Variants in CXADR observed in about 807,000 individuals in gnomAD.
The protein encoded by CXADR is CXADR cell adhesion molecule, also known as coxsackievirus and adenovirus receptor.
In CXADR, 20 loss-of-function variants were observed where a neutral mutation model predicts 40.3. The ratio of observed to expected loss-of-function variants is 0.50; its 90% CI spans 0.35 to 0.72. The LOEUF (loss-of-function observed/expected upper bound fraction) is 0.72. Ranked by LOEUF, CXADR falls within the 30% of genes least tolerant of loss-of-function variation. CXADR has a pLI of 0.01. For missense variants in CXADR, 332 were observed against 449.1 expected (o/e 0.74, Z 2.36); for synonymous variants, 150 against 161.3 (o/e 0.93, Z 0.53).
In CXADR at chr21:17,568,676, C is replaced by T. The variant is rs898121297; in HGVS notation, c.*2984C>T. On this transcript the variant is annotated 3_prime_UTR_variant, in exon 7 of 7. Coordinates refer to ENST00000284878, the MANE Select transcript of CXADR (RefSeq NM_001338.5). The stretch of plus-strand genomic sequence containing the variant: ...AAATTGCTGGGATTACAGGTGTGAG[C>T]CGCAGCATCCAGCCAGTTCTGTACT... 1.0e-6 allele frequency: 1 copy of T among 985,062 alleles called. No homozygotes were observed. Among genetic ancestry groups the T allele is most frequent in the Non-Finnish European group, 1.2e-6 (1 of 829,916 alleles). The allele number at this position is 985,062 out of a possible 1,614,324, so 61.0% of individuals were successfully genotyped here. A position where few individuals can be genotyped will look rare whatever the true frequency, so the allele number is the denominator to read the frequency against.
intron 3 of CXADR, among the ~76,000 whole-genome samples, chr21:17,552,159 T>C (rs966263013): frequency 2.0e-4 from 30 of 152,258 alleles, no homozygotes; most frequent in African/African-American, 7.2e-4. Context: ...TCAACTTCTT[T>C]GTGAAATTCA....
chr21:17,618,620 CT>C, the CXADR span, among the ~76,000 whole-genome samples: 2 of 152,076 alleles, frequency 1.3e-5, no homozygotes, highest in African/African-American at 4.8e-5. Context: ...TCACTGCAAC[CT>C]TTGCCTCCTG....
intron 1 of CXADR, among the ~76,000 whole-genome samples, chr21:17,545,781 G>GT (rs72153877): frequency 0.018 from 2,212 of 120,644 alleles, 27 homozygotes; most frequent in South Asian, 0.055. Context: ...GGTTTTTTTT[G>GT]TTTTTTTTTT....
downstream of CXADR, chr21:17,594,036 T>TA (rs1490959202): frequency 6.4e-7 from 1 of 1,573,644 alleles, no homozygotes; most frequent in Non-Finnish European, 8.6e-7. Flanking sequence ...TTTTAATGTG[T>TA]AGTAAGGTTT....
At chr21:17,583,170 A>G (rs1487845313) in intron 7 of CXADR, among the ~76,000 whole-genome samples, 3 of 152,246 alleles carry the variant, frequency 2.0e-5, no homozygotes, top group Admixed American at 2.0e-4. Context: ...GAGGAACCAT[A>G]ATCTCTGCCT....
At chr21:17,561,230 C>T (rs1242541941) in intron 5 of CXADR, 108 bp from the exon 6 acceptor site, 6 of 558,668 alleles carry the variant, frequency 1.1e-5, no homozygotes, top group Non-Finnish European at 1.5e-5. Context: ...AATAATTTGT[C>T]TTAAAGTTAA....
At chr21:17,559,254 A>C in intron 4 of CXADR, 123 bp downstream of exon 4, 1 of 1,018,776 alleles carries the variant, frequency 9.8e-7, no homozygotes, top group Middle Eastern at 2.1e-4. Context: ...ATCACGGCTC[A>C]CTGAAGCTTC....
chr21:17,535,660 TC>T (rs1160360674), intron 1 of CXADR, among the ~76,000 whole-genome samples: 1 of 152,110 alleles, frequency 6.6e-6, no homozygotes, highest in Non-Finnish European at 1.5e-5. Context: ...TAAGGTCATA[TC>T]CCCTTTCCAA....
At chr21:17,604,811 A>G in the CXADR span, 395 of 1,580,674 alleles carry the variant, frequency 2.5e-4, no homozygotes, top group Non-Finnish European at 2.7e-4. Flanking sequence ...ATGTCATAAA[A>G]TTAGTTCCAG....
At chr21:17,588,408 A>C (rs990917430) in intron 7 of CXADR, among the ~76,000 whole-genome samples, 3 of 151,978 alleles carry the variant, frequency 2.0e-5, no homozygotes, top group East Asian at 1.9e-4. Context: ...CTTTTATTTC[A>C]TTGAGCAGTG....
downstream of CXADR, among the ~76,000 whole-genome samples, chr21:17,594,608 C>T (rs892777962): frequency 6.6e-6 from 1 of 151,976 alleles, no homozygotes; most frequent in East Asian, 1.9e-4. Context: ...AAACATGGAA[C>T]GAATGGAAGC....
intron 1 of CXADR, among the ~76,000 whole-genome samples, chr21:17,532,864 C>T (rs1757360735): frequency 6.6e-6 from 1 of 152,158 alleles, no homozygotes; most frequent in Non-Finnish European, 1.5e-5. Flanking sequence ...GAGAGGAAAA[C>T]ATCTAGTCAC....
chr21:17,607,722 A>C, the CXADR span, among the ~76,000 whole-genome samples: 1 of 152,232 alleles, frequency 6.6e-6, no homozygotes, highest in South Asian at 2.1e-4. Context: ...TGGGGACATC[A>C]ATATACACAA....
chr21:17,536,301 A>G (rs2060755913), intron 1 of CXADR, among the ~76,000 whole-genome samples: 1 of 152,204 alleles, frequency 6.6e-6, no homozygotes, highest in Admixed American at 6.5e-5. Context: ...ATTTGCTAAC[A>G]TTTCTCATCA....
chr21:17,537,914 G>A (rs1442489545), intron 1 of CXADR, among the ~76,000 whole-genome samples: 2 of 152,166 alleles, frequency 1.3e-5, no homozygotes, highest in African/African-American at 4.8e-5. Flanking sequence ...AGTCCGAGGA[G>A]TAATTAGAGG....
chr21:17,576,439 A>G (rs760425528), intron 7 of CXADR, among the ~76,000 whole-genome samples: 1 of 152,196 alleles, frequency 6.6e-6, no homozygotes, highest in Non-Finnish European at 1.5e-5. Context: ...TGCTGTTTAC[A>G]TATGTCAAGT....
downstream of CXADR, among the ~76,000 whole-genome samples, chr21:17,573,915 A>C (rs1215226075): frequency 6.7e-6 from 1 of 148,976 alleles, no homozygotes; most frequent in Non-Finnish European, 1.5e-5. Context: ...AAAAGAAAAA[A>C]ATTCATAATC....
the CXADR span, among the ~76,000 whole-genome samples, chr21:17,609,328 C>A: frequency 6.6e-6 from 1 of 152,078 alleles, no homozygotes; most frequent in Non-Finnish European, 1.5e-5. Context: ...GCCATAAAGG[C>A]CTTATTATAA....
rs373388320 is a variant in CXADR, at chr21:17,568,426, C to T, written c.*2734C>T. On this transcript the variant is annotated 3_prime_UTR_variant, in exon 7 of 7. Coordinates refer to ENST00000284878, the MANE Select transcript of CXADR (RefSeq NM_001338.5). ...TACAGGCGTGAACCACTGCACCCGG[C>T]CCAGTACTGCATCTTAACAGCAAAG... 4.1e-6 allele frequency: 4 copies of T among 985,286 alleles called. No individual in the cohort carries two copies. Among genetic ancestry groups the T allele is most frequent in the East Asian group, 1.1e-4 (1 of 8,808 alleles). The allele number at this position is 985,286 out of a possible 1,614,324, so 61.0% of individuals were successfully genotyped here. A position where few individuals can be genotyped will look rare whatever the true frequency, so the allele number is the denominator to read the frequency against.
Sources: gnomAD v4.1 joint callset for allele counts (sites outside exome capture counted in the v4.1 genomes callset) on GRCh38, gnomAD v4.1.1 for gene constraint, MANE v1.5 for transcripts, NCBI Gene and HGNC (gene_info 2026-07-23, HGNC 2026-07-21) for gene names.